OR4C5: variants seen among roughly 807,000 people sequenced by gnomAD.
OR4C5 encodes olfactory receptor family 4 subfamily C member 5.
For missense variants in OR4C5, 301 were observed against 157.9 expected, an observed-to-expected ratio of 1.91 and a Z score of -4.86; for synonymous variants, 134 against 60.3, an observed-to-expected ratio of 2.22 and a Z score of -5.66.
Position 48,365,873 on chromosome 11 carries a change from AAATGGTC to A in OR4C5, c.586_592del (p.Asp196SerfsTer9). ...TAGCAGAGGGAAAAGGTCACAGATGAAATGGTCAATGACATTGGGGCCACAGAAGGGC... is the reference window on the plus strand; with the variant it reads ...TAGCAGAGGGAAAAGGTCACAGATGAAATGACATTGGGGCCACAGAAGGGC... On this transcript the variant is annotated frameshift_variant, in exon 1 of 1. Coordinates refer to ENST00000319813, the MANE Select transcript of OR4C5 (RefSeq NM_001348223.2). LOFTEE classifies it low-confidence loss of function (END_TRUNC). The A allele has an allele frequency of 1.4e-6, 1 of 706,082 alleles. No individual in the cohort carries two copies. The highest frequency in any genetic ancestry group is 1.5e-5 in the South Asian group (1 of 67,688). 43.7% of individuals were successfully genotyped at this position (706,082 alleles called of 1,614,324 possible).
rs140665145 is a variant in OR4C5 at position 48,366,076 on chromosome 11, T to C, written c.390A>G (p.Gly130=). The C allele has an allele frequency of 5.1e-4, 365 of 709,926 alleles. 6 individuals carry two copies. In the East Asian group the frequency reaches 9.7e-3, roughly 19 times the overall value. The allele number at this position is 709,926 out of a possible 1,614,324, so 44.0% of individuals were successfully genotyped here. ...TQLFVEHFFG[G]VEIILLVVMA... ...TCACCACGAGCAGAATGATCTCAAC[T>C]CCCCCAAAGAAATGTTCTACAAAGA... Residue 130 remains glycine, a synonymous_variant, in exon 1 of 1, where the codon GGA becomes GGG. Coordinates refer to ENST00000319813, the MANE Select transcript of OR4C5 (RefSeq NM_001348223.2).
rs1852760411 is a variant in OR4C5, at chr11:48,366,357, C to G, written c.109G>C (p.Gly37Arg). Reference sequence around the variant, plus strand: ...TGTGCCTCTGCGTTCTGTGTCAGGCCAAGCAAGATGAATTCCGTTATGTTG... The same window carrying G: ...TGTGCCTCTGCGTTCTGTGTCAGGCGAAGCAAGATGAATTCCGTTATGTTG... Reference protein sequence around the residue: ...VNNITEFILLGLTQNAEAQKL... With the variant: ...VNNITEFILLRLTQNAEAQKL... Residue 37 changes from glycine to arginine, a missense_variant, in exon 1 of 1, where the codon GGC becomes CGC. By Grantham distance (125) the Gly-to-Arg change is moderately radical (BLOSUM62 -2). Transcript: ENST00000319813. 2 of 702,772 alleles carry G rather than the reference C, an allele frequency of 2.8e-6. No homozygotes were observed. The highest frequency in any genetic ancestry group is 5.2e-6 in the Non-Finnish European group (2 of 384,932). 43.5% of individuals were successfully genotyped at this position (702,772 alleles called of 1,614,324 possible).
Position 48,366,004 on chromosome 11 carries a change from C to T in OR4C5, c.462G>A (p.Leu154=), listed in dbSNP as rs1470824279. 3 of 719,652 alleles carry T rather than the reference C, an allele frequency of 4.2e-6. No homozygotes were observed. The highest frequency in any genetic ancestry group is 1.5e-5 in the South Asian group (1 of 68,384). 44.6% of individuals were successfully genotyped at this position (719,652 alleles called of 1,614,324 possible). A position where few individuals can be genotyped will look rare whatever the true frequency, so the allele number is the denominator to read the frequency against. The change falls in exon 1 of 1, where the codon CTG becomes CTA. Residue 154 remains leucine (L), a synonymous_variant. Transcript: ENST00000319813. ...CACATACCTGCCTGTTCATTGTGAT[C>T]AGGTAGTACAGGGGCTTGCAGATGG... The part of the protein sequence containing the change: ...YVAICKPLYY[L]ITMNRQVCGL...
chr11:48,365,797 G>C lies in OR4C5; in HGVS notation c.669C>G (p.Asn223Lys), dbSNP rs1470038187. The C allele has an allele frequency of 2.8e-6, 2 of 703,400 alleles. No individual in the cohort carries two copies. Among genetic ancestry groups the C allele is most frequent in the South Asian group, 3.0e-5 (2 of 67,604 alleles). 43.6% of individuals were successfully genotyped at this position (703,400 alleles called of 1,614,324 possible). A position where few individuals can be genotyped will look rare whatever the true frequency, so the allele number is the denominator to read the frequency against. Residue 223 changes from asparagine (N) to lysine (K), a missense_variant, in exon 1 of 1, where the codon AAC becomes AAG. Asn to Lys is a moderately conservative substitution (Grantham distance 94). Coordinates refer to ENST00000319813, the MANE Select transcript of OR4C5 (RefSeq NM_001348223.2). ...THVFGLFVAA[N>K]SGLMCMLIFS... is the part of the protein sequence containing the mutation. ...AAATGAGCATACACATCAGCCCACT[G>C]TTGGCGGCAACAAAGAGTCCAAAGA...
chr11:48,365,707 G>T lies in OR4C5; in HGVS notation c.759C>A (p.Cys253Ter), dbSNP rs1422713823. ...LCSQRKALST[C>*]AFHITVVVLF... ...GGACGACTACAGTGATATGGAAGGCGCAGGTAGAGAGAGCCTTCCGCTGTG... is the reference window on the plus strand; with the variant it reads ...GGACGACTACAGTGATATGGAAGGCTCAGGTAGAGAGAGCCTTCCGCTGTG... Residue 253 changes from cysteine to a stop codon, truncating the protein, a stop_gained, in exon 1 of 1, where the codon TGC becomes TGA. Coordinates refer to ENST00000319813, the MANE Select transcript of OR4C5 (RefSeq NM_001348223.2). LOFTEE classifies it low-confidence loss of function (END_TRUNC). 5.7e-6 allele frequency: 4 copies of T among 703,094 alleles called. No homozygotes were observed. Among genetic ancestry groups the T allele is most frequent in the South Asian group, 3.0e-5 (2 of 67,594 alleles). The allele number at this position is 703,094 out of a possible 1,614,324, so 43.6% of individuals were successfully genotyped here.
At position 48,365,959 on chromosome 11, in the gene OR4C5, T is replaced by G. The variant is rs1852752578; in HGVS notation, c.507A>C (p.Ala169=). 1 of 708,650 alleles carries G rather than the reference T, an allele frequency of 1.4e-6. No individual in the cohort carries two copies. Among genetic ancestry groups the G allele is most frequent in the Non-Finnish European group, 2.6e-6 (1 of 386,978 alleles). The allele number at this position is 708,650 out of a possible 1,614,324, so 43.9% of individuals were successfully genotyped here. A position where few individuals can be genotyped will look rare whatever the true frequency, so the allele number is the denominator to read the frequency against. Residue 169 remains alanine (A), a synonymous_variant, in exon 1 of 1, where the codon GCA becomes GCC. Coordinates refer to ENST00000319813, the MANE Select transcript of OR4C5 (RefSeq NM_001348223.2). ...GAGCGTGAAGAAATCCCCCGACCCA[T>G]GCCATGGCCACCAGGAGGCCACATA... is the stretch of plus-strand genomic sequence containing the variant. ...RQVCGLLVAM[A]WVGGFLHALI...
rs1270854227 is a variant in OR4C5 at position 48,366,406 on chromosome 11, G to T, written c.60C>A (p.Thr20=). Residue 20 remains threonine, a synonymous_variant, in exon 1 of 1, where the codon ACC becomes ACA. Transcript: ENST00000319813. ...AIHRKINYPN[T]KLDFEQVNNI... is the part of the protein sequence containing the mutation. ...TGTTCACTTGCTCGAAATCCAGTTT[G>T]GTATTTGGATAATTGATTTTTCTGT... 1.4e-6 allele frequency: 1 copy of T among 702,550 alleles called. No individual in the cohort carries two copies. The highest frequency in any genetic ancestry group is 2.7e-5 in the East Asian group (1 of 37,280). 43.5% of individuals were successfully genotyped at this position (702,550 alleles called of 1,614,324 possible).
At position 48,365,780 on chromosome 11, in the gene OR4C5, A is replaced by G. The variant is rs1414729438; in HGVS notation, c.686T>C (p.Met229Thr). Residue 229 changes from methionine to threonine, a missense_variant, in exon 1 of 1, where the codon ATG becomes ACG. Physicochemically the swap from Met to Thr is moderately conservative, Grantham distance 81. Coordinates refer to ENST00000319813, the MANE Select transcript of OR4C5 (RefSeq NM_001348223.2). ...GGTAATAAGAATAGAAAAAATGAGC[A>G]TACACATCAGCCCACTGTTGGCGGC... ...FVAANSGLMC[M>T]LIFSILITSY... 1 of 703,226 alleles carries G rather than the reference A, an allele frequency of 1.4e-6. No homozygotes were observed. Among genetic ancestry groups the G allele is most frequent in the Non-Finnish European group, 2.6e-6 (1 of 385,100 alleles). 43.6% of individuals were successfully genotyped at this position (703,226 alleles called of 1,614,324 possible). A position where few individuals can be genotyped will look rare whatever the true frequency, so the allele number is the denominator to read the frequency against.
rs1404191494 is a variant in OR4C5, at chr11:48,366,176, G to A, written c.290C>T (p.Thr97Ile). The change falls in exon 1 of 1, where the codon ACC (threonine) becomes ATC (isoleucine). Residue 97 changes from threonine to isoleucine, a missense_variant. By Grantham distance (89) the Thr-to-Ile change is moderately conservative. Transcript: ENST00000319813. The part of the protein sequence containing the change: ...FSFIDGCSSS[T>I]MAPKMIFDLL... The stretch of plus-strand genomic sequence containing the variant: ...GTCAAATATCATTTTGGGGGCCATG[G>A]TAGAAGAGGAGCAGCCATCTATGAA... 7.1e-6 allele frequency: 5 copies of A among 703,648 alleles called. No individual in the cohort carries two copies. Among genetic ancestry groups the A allele is most frequent in the Middle Eastern group, 2.3e-4 (1 of 4,370 alleles). The allele number at this position is 703,648 out of a possible 1,614,324, so 43.6% of individuals were successfully genotyped here.
rs200811929 is a variant in OR4C5, at chr11:48,365,686, G to T, written c.780C>A (p.Val260=). The change falls in exon 1 of 1, where the codon GTC becomes GTA. Residue 260 remains valine (V), a synonymous_variant. Transcript: ENST00000319813. The stretch of plus-strand genomic sequence containing the variant: ...ATATACAGGGAACAAAGAATAGGAC[G>T]ACTACAGTGATATGGAAGGCGCAGG... ...LSTCAFHITV[V]VLFFVPCILV... 8.5e-6 allele frequency: 6 copies of T among 703,236 alleles called. No individual in the cohort carries two copies. Among genetic ancestry groups the T allele is most frequent in the Non-Finnish European group, 1.6e-5 (6 of 385,048 alleles). The allele number at this position is 703,236 out of a possible 1,614,324, so 43.6% of individuals were successfully genotyped here.
rs1226311308 is a variant in OR4C5, at chr11:48,365,668, G to C, written c.798C>G (p.Pro266=). Residue 266 remains proline, a synonymous_variant, in exon 1 of 1, where the codon CCC becomes CCG. Coordinates refer to ENST00000319813, the MANE Select transcript of OR4C5 (RefSeq NM_001348223.2). ...TGGGTCGAAGGTACACCAATATACA[G>C]GGAACAAAGAATAGGACGACTACAG... The part of the protein sequence containing the change: ...HITVVVLFFV[P]CILVYLRPMI... 1.4e-6 allele frequency: 1 copy of C among 703,144 alleles called. No individual in the cohort carries two copies. Among genetic ancestry groups the C allele is most frequent in the Admixed American group, 2.0e-5 (1 of 50,004 alleles). The allele number at this position is 703,144 out of a possible 1,614,324, so 43.6% of individuals were successfully genotyped here.
Position 48,365,804 on chromosome 11 carries a change from G to T in OR4C5, c.662C>A (p.Ala221Asp). The T allele has an allele frequency of 1.4e-6, 1 of 703,344 alleles. No homozygotes were observed. The highest frequency in any genetic ancestry group is 2.6e-6 in the Non-Finnish European group (1 of 385,080). 43.6% of individuals were successfully genotyped at this position (703,344 alleles called of 1,614,324 possible). A position where few individuals can be genotyped will look rare whatever the true frequency, so the allele number is the denominator to read the frequency against. Residue 221 changes from alanine to aspartate, a missense_variant, in exon 1 of 1, where the codon GCC becomes GAC. Transcript: ENST00000319813. ...CATACACATCAGCCCACTGTTGGCGGCAACAAAGAGTCCAAAGACGTGAGT... is the reference window on the plus strand; with the variant it reads ...CATACACATCAGCCCACTGTTGGCGTCAACAAAGAGTCCAAAGACGTGAGT... ...TDTHVFGLFV[A>D]ANSGLMCMLI...
In OR4C5 at chr11:48,366,105, G is replaced by A; in HGVS notation, c.361C>T (p.Gln121Ter). The change falls in exon 1 of 1, where the codon CAG (glutamine) becomes TAG (stop). Residue 121 changes from glutamine (Q) to a stop codon, truncating the protein, a stop_gained. Transcript: ENST00000319813. LOFTEE classifies it low-confidence loss of function (END_TRUNC). ...KTISFSGCMT[Q>*]LFVEHFFGGV... Reference sequence around the variant, plus strand: ...CCAAAGAAATGTTCTACAAAGAGCTGGGTCATGCACCCACTGAAGGAAATA... The same window carrying A: ...CCAAAGAAATGTTCTACAAAGAGCTAGGTCATGCACCCACTGAAGGAAATA... The A allele has an allele frequency of 1.4e-6, 1 of 705,796 alleles. No individual in the cohort carries two copies. The allele number at this position is 705,796 out of a possible 1,614,324, so 43.7% of individuals were successfully genotyped here.
At position 48,365,494 on chromosome 11, in the gene OR4C5, C is replaced by G. The variant is rs778117433; in HGVS notation, c.972G>C (p.Leu324Phe). ...LWSQIIWGNNLCD is the reference protein window; with the variant it reads ...LWSQIIWGNNFCD ...TCTGTGTTTATCTTCTCTAATCACA[C>G]AAATTGTTACCCCAGATTATTTGGC... Residue 324 changes from leucine to phenylalanine, a missense_variant, in exon 1 of 1, where the codon TTG becomes TTC. Transcript: ENST00000319813. 1.4e-6 allele frequency: 1 copy of G among 702,718 alleles called. No individual in the cohort carries two copies. Among genetic ancestry groups the G allele is most frequent in the African/African-American group, 1.7e-5 (1 of 57,322 alleles). 43.5% of individuals were successfully genotyped at this position (702,718 alleles called of 1,614,324 possible).
chr11:48,365,896 A>G lies in OR4C5; in HGVS notation c.570T>C (p.Cys190=), dbSNP rs768820957. 15 of 707,870 alleles carry G rather than the reference A, an allele frequency of 2.1e-5. No homozygotes were observed. Among genetic ancestry groups the G allele is most frequent in the Non-Finnish European group, 3.4e-5 (13 of 387,084 alleles). The allele number at this position is 707,870 out of a possible 1,614,324, so 43.8% of individuals were successfully genotyped here. A position where few individuals can be genotyped will look rare whatever the true frequency, so the allele number is the denominator to read the frequency against. Reference sequence around the variant, plus strand: ...TGAAATGGTCAATGACATTGGGGCCACAGAAGGGCAGCCAGACTATTAAAA... The same window carrying G: ...TGAAATGGTCAATGACATTGGGGCCGCAGAAGGGCAGCCAGACTATTAAAA... ...QMLLIVWLPF[C]GPNVIDHFIC... is the part of the protein sequence containing the mutation. The change falls in exon 1 of 1, where the codon TGT becomes TGC. Residue 190 remains cysteine, a synonymous_variant. Transcript: ENST00000319813.
In OR4C5 at chr11:48,365,613, A is replaced by G. The variant is rs1852744922; in HGVS notation, c.853T>C (p.Ser285Pro). Residue 285 changes from serine (S) to proline (P), a missense_variant, in exon 1 of 1, where the codon TCT becomes CCT. Transcript: ENST00000319813. ...GGTGTTACCACAGTATAAAACACAG[A>G]CACAGCTTTATCAATAGGGAAGGTG... is the stretch of plus-strand genomic sequence containing the variant. ...MITFPIDKAV[S>P]VFYTVVTPML... The G allele has an allele frequency of 4.3e-6, 3 of 702,948 alleles. No homozygotes were observed. The highest frequency in any genetic ancestry group is 1.5e-5 in the South Asian group (1 of 67,612). 43.5% of individuals were successfully genotyped at this position (702,948 alleles called of 1,614,324 possible). A position where few individuals can be genotyped will look rare whatever the true frequency, so the allele number is the denominator to read the frequency against.
In OR4C5 at chr11:48,365,559, T is replaced by C; in HGVS notation, c.907A>G (p.Arg303Gly). The C allele has an allele frequency of 2.8e-6, 2 of 703,114 alleles. No individual in the cohort carries two copies. Among genetic ancestry groups the C allele is most frequent in the South Asian group, 3.0e-5 (2 of 67,590 alleles). The allele number at this position is 703,114 out of a possible 1,614,324, so 43.6% of individuals were successfully genotyped here. Residue 303 changes from arginine to glycine, a missense_variant, in exon 1 of 1, where the codon AGA becomes GGA. By Grantham distance (125) the Arg-to-Gly change is moderately radical (BLOSUM62 -2). Coordinates refer to ENST00000319813, the MANE Select transcript of OR4C5 (RefSeq NM_001348223.2). ...ATGGCATTTTTCACCTCTGTGTTTC[T>C]GAGGGTGTAGATTAAAGGGTTTAAC... ...PMLNPLIYTL[R>G]NTEVKNAMKQ...
rs1285259649 is a variant in OR4C5 at position 48,366,197 on chromosome 11, A to G, written c.269T>C (p.Ile90Thr). ...VYFFLSFFSF[I>T]DGCSSSTMAP... ...CATGGTAGAAGAGGAGCAGCCATCT[A>G]TGAAGGAAAAGAAAGACAGAAAAAA... Residue 90 changes from isoleucine (I) to threonine (T), a missense_variant, in exon 1 of 1, where the codon ATA becomes ACA. Ile to Thr is a moderately conservative substitution (Grantham distance 89). Coordinates refer to ENST00000319813, the MANE Select transcript of OR4C5 (RefSeq NM_001348223.2). The G allele has an allele frequency of 7.1e-6, 5 of 703,174 alleles. No homozygotes were observed. Among genetic ancestry groups the G allele is most frequent in the Admixed American group, 2.0e-5 (1 of 49,914 alleles). The allele number at this position is 703,174 out of a possible 1,614,324, so 43.6% of individuals were successfully genotyped here.
Position 48,365,864 on chromosome 11 carries a change from T to C in OR4C5, c.602A>G (p.Asp201Gly), listed in dbSNP as rs1281638109. The C allele has an allele frequency of 4.3e-6, 3 of 704,960 alleles. No homozygotes were observed. In the South Asian group the frequency reaches 4.4e-5, roughly 10 times the overall value. The allele number at this position is 704,960 out of a possible 1,614,324, so 43.7% of individuals were successfully genotyped here. A position where few individuals can be genotyped will look rare whatever the true frequency, so the allele number is the denominator to read the frequency against. Residue 201 changes from aspartate to glycine, a missense_variant, in exon 1 of 1, where the codon GAC (aspartate) becomes GGC (glycine). Physicochemically the swap from Asp to Gly is moderately conservative, Grantham distance 94 (BLOSUM62 -1). Transcript: ENST00000319813. ...GGAGAGTTTTAGCAGAGGGAAAAGG[T>C]CACAGATGAAATGGTCAATGACATT... ...GPNVIDHFIC[D>G]LFPLLKLSCT...
Sources: gnomAD v4.1 joint callset for allele counts on GRCh38, gnomAD v4.1.1 for gene constraint, MANE v1.5 for transcripts, NCBI Gene and HGNC (gene_info 2026-07-23, HGNC 2026-07-21) for gene names.